Variants in L2HGDH observed in about 807,000 individuals in gnomAD.
The protein encoded by L2HGDH is L-2-hydroxyglutarate dehydrogenase, mitochondrial.
In L2HGDH, 34 loss-of-function variants were observed where a neutral mutation model predicts 51.5. The ratio of observed to expected loss-of-function variants is 0.66; its 90% CI spans 0.50 to 0.88. L2HGDH has a LOEUF of 0.88. L2HGDH is among the 40% of genes least tolerant of loss of function. L2HGDH has a pLI of 0.00. For missense variants in L2HGDH, 558 were observed against 571.9 expected (o/e 0.98, Z 0.25); for synonymous variants, 198 against 197.9 (o/e 1.00, Z -0.01).
chr14:50,308,615 G>A (rs1566543847), intron 1 of L2HGDH, among the ~76,000 whole-genome samples: 3 of 152,162 alleles, frequency 2.0e-5, no homozygotes, highest in Non-Finnish European at 2.9e-5. Context: ...CCAAATGCTG[G>A]TGAGAATGAA....
At chr14:50,272,890 T>C (rs1206813433) in intron 6 of L2HGDH, among the ~76,000 whole-genome samples, 2 of 152,054 alleles carry the variant, frequency 1.3e-5, no homozygotes, top group Admixed American at 6.6e-5. Flanking sequence ...AGAAAAAATA[T>C]AGGCCAGGTT....
chr14:50,310,904 A>G lies in L2HGDH; in HGVS notation c.140+1107T>C, dbSNP rs536595835. Among the ~76,000 whole-genome samples, 50 of 137,848 alleles carry G rather than the reference A, an allele frequency of 3.6e-4. 1 individual carries two copies. In the South Asian group the frequency reaches 0.011, roughly 31 times the overall value. The allele number at this position is 137,848 out of a possible 152,430, so 90.4% of individuals were successfully genotyped here. On this transcript the variant is annotated intron_variant, in intron 1 of 9. Transcript: ENST00000267436. The stretch of plus-strand genomic sequence containing the variant: ...TCAACTTTTAGAACATCAACATTTA[A>G]TTATTAGCCTCTTCTTTTTTTCTTT...
intron 2 of L2HGDH, 30 bp downstream of exon 2, chr14:50,302,872 C>A (rs151006946): frequency 7.0e-7 from 1 of 1,435,586 alleles, no homozygotes; most frequent in Non-Finnish European, 9.8e-7. Flanking sequence ...CCCAAGTAAG[C>A]CCAAAGAACA....
intron 6 of L2HGDH, among the ~76,000 whole-genome samples, chr14:50,271,789 C>A (rs1267237460): frequency 1.3e-5 from 2 of 152,172 alleles, no homozygotes; most frequent in Non-Finnish European, 2.9e-5. Flanking sequence ...AGATTCCCCC[C>A]TCCCCATATC....
At chr14:50,291,193 G>A (rs1379437590) in intron 4 of L2HGDH, among the ~76,000 whole-genome samples, 6 of 78,874 alleles carry the variant, frequency 7.6e-5, no homozygotes, top group African/African-American at 1.2e-4. Flanking sequence ...CTGAGACTCC[G>A]TCTCAAAAAA....
At chr14:50,256,894 T>G (rs1474082353) in intron 9 of L2HGDH, among the ~76,000 whole-genome samples, 1 of 152,164 alleles carries the variant, frequency 6.6e-6, no homozygotes, top group Non-Finnish European at 1.5e-5. Context: ...GTAACACCTA[T>G]GAGAGATAGG....
chr14:50,312,130 A>AT lies in L2HGDH; in HGVS notation c.20dup (p.Tyr7Ter). Residue 7 changes from tyrosine to a stop codon, truncating the protein, a stop_gained and frameshift_variant, in exon 1 of 10, where the codon TAT becomes TAAT. Transcript: ENST00000267436. LOFTEE classifies it high-confidence loss of function. ...GGGCCCGTCCGCAGGCACCAACCAAATAACGCAGCGCTGGCACCATCCCCT... is the reference window on the plus strand; with the variant it reads ...GGGCCCGTCCGCAGGCACCAACCAAATTAACGCAGCGCTGGCACCATCCCCT... MVPALRYLVGACGRARG... is the reference protein window; with the variant it reads MVPALR 1 of 1,610,406 alleles carries AT rather than the reference A, an allele frequency of 6.2e-7. No homozygotes were observed. Among genetic ancestry groups the AT allele is most frequent in the East Asian group, 2.2e-5 (1 of 44,804 alleles).
chr14:50,293,955 G>T (rs747721123), intron 4 of L2HGDH, among the ~76,000 whole-genome samples, 160 bp downstream of exon 4: 1 of 152,188 alleles, frequency 6.6e-6, no homozygotes, highest in Non-Finnish European at 1.5e-5. Flanking sequence ...CAGGTGTCCA[G>T]AGTTTGTGAC....
At position 50,244,475 on chromosome 14, in the gene L2HGDH, T is replaced by TG; in HGVS notation, c.*2582dup. The TG allele has an allele frequency of 1.0e-6, 1 of 985,332 alleles. No homozygotes were observed. Among genetic ancestry groups the TG allele is most frequent in the African/African-American group, 1.7e-5 (1 of 57,378 alleles). 61.0% of individuals were successfully genotyped at this position (985,332 alleles called of 1,614,324 possible). A position where few individuals can be genotyped will look rare whatever the true frequency, so the allele number is the denominator to read the frequency against. ...ATCGTACTACTGACAAAATACAGAA[T>TG]GATAATATTTTCCATCTCTTAGTAA... On this transcript the variant is annotated 3_prime_UTR_variant, in exon 10 of 10. Transcript: ENST00000267436.
intron 6 of L2HGDH, among the ~76,000 whole-genome samples, chr14:50,273,372 A>G (rs1442625046): frequency 6.6e-6 from 1 of 152,200 alleles, no homozygotes; most frequent in South Asian, 2.1e-4. Flanking sequence ...TAGTCTCCAT[A>G]AATGGTGCTG....
chr14:50,289,565 C>G (rs1890756354), intron 4 of L2HGDH, among the ~76,000 whole-genome samples: 1 of 152,138 alleles, frequency 6.6e-6, no homozygotes, highest in Non-Finnish European at 1.5e-5. Flanking sequence ...CTCTAATGAG[C>G]TGACCAGAGG....
chr14:50,277,826 A>AATC lies in L2HGDH; in HGVS notation c.738+691_738+693dup, dbSNP rs1238434995. Reference sequence around the variant, plus strand: ...TAATAATAATAATAATAATAATAATAATCTGGTGGCAGAAGTAAATCAGCA... The same window carrying AATC: ...TAATAATAATAATAATAATAATAATAATCATCTGGTGGCAGAAGTAAATCAGCA... On this transcript the variant is annotated intron_variant, in intron 6 of 9. Coordinates refer to ENST00000267436, the MANE Select transcript of L2HGDH (RefSeq NM_024884.3). 1.0e-3 allele frequency among the ~76,000 whole-genome samples: 142 copies of AATC among 135,952 alleles called. 2 individuals carry two copies. Among genetic ancestry groups the AATC allele is most frequent in the South Asian group, 2.7e-3 (11 of 4,048 alleles). The allele number at this position is 135,952 out of a possible 152,430, so 89.2% of individuals were successfully genotyped here. A position where few individuals can be genotyped will look rare whatever the true frequency, so the allele number is the denominator to read the frequency against.
intron 5 of L2HGDH, among the ~76,000 whole-genome samples, chr14:50,279,587 C>T (rs566300046): frequency 3.3e-5 from 5 of 152,032 alleles, no homozygotes; most frequent in African/African-American, 9.6e-5. Flanking sequence ...TGCCTGTAAT[C>T]CCAGCATTTT....
chr14:50,277,767 C>T (rs969596000), intron 6 of L2HGDH, among the ~76,000 whole-genome samples: 14 of 133,728 alleles, frequency 1.0e-4, no homozygotes, highest in Middle Eastern at 3.7e-3. Flanking sequence ...AGTGAGACTC[C>T]GTCTCAAAAT....
chr14:50,310,085 A>G (rs2030996994), intron 1 of L2HGDH, among the ~76,000 whole-genome samples: 1 of 152,162 alleles, frequency 6.6e-6, no homozygotes, highest in African/African-American at 2.4e-5. Flanking sequence ...ACACACGAAT[A>G]TATGTAAAAC....
At chr14:50,307,812 T>G (rs963900589) in intron 1 of L2HGDH, among the ~76,000 whole-genome samples, 2 of 152,142 alleles carry the variant, frequency 1.3e-5, no homozygotes, top group Non-Finnish European at 2.9e-5. Context: ...ACACTACCAT[T>G]ATAGTTAAAA....
Position 50,312,217 on chromosome 14 carries a change from C to T in L2HGDH, c.-67G>A, listed in dbSNP as rs1566548244. The stretch of plus-strand genomic sequence containing the variant: ...ACTTGACCCTCCACGGCCGAGGACC[C>T]GCGCTCTTTAGCCCCGCCCCTCACG... On this transcript the variant is annotated 5_prime_UTR_variant, in exon 1 of 10. Coordinates refer to ENST00000267436, the MANE Select transcript of L2HGDH (RefSeq NM_024884.3). The T allele has an allele frequency of 2.7e-5, 42 of 1,584,652 alleles. No individual in the cohort carries two copies. The highest frequency in any genetic ancestry group is 3.6e-5 in the Non-Finnish European group (42 of 1,169,534).
intron 6 of L2HGDH, among the ~76,000 whole-genome samples, chr14:50,276,061 T>C (rs1889963588): frequency 6.6e-6 from 1 of 152,126 alleles, no homozygotes; most frequent in Non-Finnish European, 1.5e-5. Flanking sequence ...AGAAAATGAG[T>C]TGCTACCACA....
intron 5 of L2HGDH, among the ~76,000 whole-genome samples, chr14:50,281,411 G>A (rs1206088657): frequency 1.3e-5 from 2 of 151,726 alleles, no homozygotes; most frequent in Non-Finnish European, 2.9e-5. Context: ...TGGCCAACAC[G>A]GTGAAACCAC....
Sources: allele counts gnomAD v4.1 joint callset (sites outside exome capture counted in the v4.1 genomes callset), GRCh38; gene constraint gnomAD v4.1.1; transcripts MANE v1.5; gene names NCBI Gene and HGNC (gene_info 2026-07-23, HGNC 2026-07-21).